The following HMHB1 variants were observed in gnomAD, a reference collection of about 807,000 sequenced individuals.
HMHB1 encodes histocompatibility minor HB-1, also known as minor histocompatibility protein HB-1.
Under a neutral mutation model 2.4 loss-of-function variants are expected in HMHB1, and 4 were observed. That is an observed-to-expected ratio of 1.65 (90% CI 0.81 to 3.77). The LOEUF (loss-of-function observed/expected upper bound fraction) is 3.77, where lower values mean the gene tolerates loss of function less well. HMHB1 is among the 30% of genes most tolerant of loss of function. The probability of loss-of-function intolerance (pLI) is 0.01; values close to 1 mark genes in which losing one functional copy is unlikely to be tolerated. For synonymous variants in HMHB1, 22 were observed against 17.6 expected (o/e 1.25, Z -0.63); for missense variants, 57 against 44.2 (o/e 1.29, Z -0.82).
intron 1 of HMHB1, among the ~76,000 whole-genome samples, chr5:143,813,839 G>A (rs2126792487): frequency 6.6e-6 from 1 of 152,116 alleles, no homozygotes; most frequent in Non-Finnish European, 1.5e-5. Context: ...TGCTCCATAG[G>A]CAATAGAAAT....
At chr5:143,816,724 G>A (rs182944594) in intron 1 of HMHB1, among the ~76,000 whole-genome samples, 134 of 152,324 alleles carry the variant, frequency 8.8e-4, no homozygotes, top group Non-Finnish European at 1.3e-3. Context: ...ATACCCAGTA[G>A]TGGGATTGCT....
intron 1 of HMHB1, among the ~76,000 whole-genome samples, chr5:143,819,623 A>G (rs1429723263): frequency 7.3e-6 from 1 of 137,876 alleles, no homozygotes; most frequent in Non-Finnish European, 1.5e-5. Flanking sequence ...CGAGAGAGTG[A>G]GACTCTGTCT....
chr5:143,813,338 A>G (rs866163838), intron 1 of HMHB1, among the ~76,000 whole-genome samples: 5 of 152,336 alleles, frequency 3.3e-5, no homozygotes, highest in African/African-American at 7.2e-5. Flanking sequence ...CTTTCCAGGC[A>G]AAATAAACCA....
chr5:143,812,388 G>A (rs2126791891), intron 1 of HMHB1, 84 bp downstream of exon 1: 1 of 1,282,722 alleles, frequency 7.8e-7, no homozygotes, highest in Middle Eastern at 2.0e-4. Flanking sequence ...AATGCTGGTG[G>A]AATGAGAGGG....
chr5:143,815,419 C>T (rs976044193), intron 1 of HMHB1, among the ~76,000 whole-genome samples: 28 of 152,334 alleles, frequency 1.8e-4, no homozygotes, highest in Non-Finnish European at 3.7e-4. Flanking sequence ...TTAAAGCTAA[C>T]AATGTTGCAG....
intron 1 of HMHB1, among the ~76,000 whole-genome samples, chr5:143,817,967 G>T (rs995166166): frequency 1.3e-5 from 2 of 152,182 alleles, no homozygotes; most frequent in Non-Finnish European, 2.9e-5. Context: ...TCATGGATTA[G>T]AAGGCTCAAT....
At chr5:143,814,334 T>A (rs1759725141) in intron 1 of HMHB1, among the ~76,000 whole-genome samples, 2 of 152,352 alleles carry the variant, frequency 1.3e-5, no homozygotes, top group South Asian at 4.1e-4. Context: ...TATAAAATAC[T>A]TTTATTTGTT....
At chr5:143,812,930 C>G (rs952337897) in intron 1 of HMHB1, among the ~76,000 whole-genome samples, 13 of 149,884 alleles carry the variant, frequency 8.7e-5, no homozygotes, top group Admixed American at 1.3e-4. Context: ...CAGGAAATGG[C>G]AGAAAGGCCC....
Position 143,812,234 on chromosome 5 carries a change from C to A in HMHB1, c.-34C>A. ...GCAGGCCCTGAGCCTTCTGACCTCA[C>A]ATCCTCTGCCACACCACAGTGGAGA... On this transcript the variant is annotated 5_prime_UTR_variant, in exon 1 of 2. Coordinates refer to ENST00000289448, the MANE Select transcript of HMHB1 (RefSeq NM_021182.3). The A allele has an allele frequency of 6.4e-7, 1 of 1,550,864 alleles. No homozygotes were observed. The highest frequency in any genetic ancestry group is 8.7e-7 in the Non-Finnish European group (1 of 1,146,408).
intron 1 of HMHB1, among the ~76,000 whole-genome samples, chr5:143,818,297 G>A (rs1395243947): frequency 6.6e-6 from 1 of 152,190 alleles, no homozygotes; most frequent in African/African-American, 2.4e-5. Context: ...TTCTTTAGGG[G>A]AAGGGTAGGG....
intron 1 of HMHB1, among the ~76,000 whole-genome samples, chr5:143,813,267 C>A (rs992891211): frequency 6.6e-6 from 1 of 152,200 alleles, no homozygotes; most frequent in Non-Finnish European, 1.5e-5. Flanking sequence ...CAACTACCGA[C>A]CTTCCCTTTT....
intron 1 of HMHB1, 144 bp from the exon 2 acceptor site, chr5:143,820,336 A>C (rs1225116427): frequency 3.0e-6 from 1 of 337,542 alleles, no homozygotes; most frequent in Non-Finnish European, 5.3e-6. Flanking sequence ...AAAAAAAAAA[A>C]AAAAAAAAAA....
rs368118171 is a variant in HMHB1 at position 143,812,455 on chromosome 5, C to A, written c.37+151C>A. 1.4e-4 allele frequency: 104 copies of A among 733,156 alleles called. 2 individuals are homozygous for A. In the South Asian group the frequency reaches 1.8e-3, roughly 13 times the overall value. 45.4% of individuals were successfully genotyped at this position (733,156 alleles called of 1,614,324 possible). The stretch of plus-strand genomic sequence containing the variant: ...AAGGCAGGGGAGAGGAGTGAGACGG[C>A]CCTTGTTGCTGGGATTATTTAGGGC... On this transcript the variant is annotated intron_variant, in intron 1 of 1. Transcript: ENST00000289448.
intron 1 of HMHB1, among the ~76,000 whole-genome samples, chr5:143,812,729 T>A (rs1278263940): frequency 6.6e-6 from 1 of 152,154 alleles, no homozygotes; most frequent in African/African-American, 2.4e-5. Flanking sequence ...ACCCGTCCTT[T>A]ATCCTTAGCA....
chr5:143,814,490 C>T (rs1759726787), intron 1 of HMHB1, among the ~76,000 whole-genome samples: 1 of 151,970 alleles, frequency 6.6e-6, no homozygotes, highest in Admixed American at 6.6e-5. Flanking sequence ...CCATTTTTTG[C>T]GTTTCAGTTC....
chr5:143,818,693 T>C (rs1009918258), intron 1 of HMHB1, among the ~76,000 whole-genome samples: 3 of 152,234 alleles, frequency 2.0e-5, no homozygotes, highest in African/African-American at 7.2e-5. Flanking sequence ...TTTTAAAGGA[T>C]ACTTTATGGA....
intron 1 of HMHB1, 55 bp downstream of exon 1, chr5:143,812,359 G>A: frequency 1.3e-6 from 2 of 1,496,530 alleles, no homozygotes; most frequent in East Asian, 4.9e-5. Context: ...GCAGCGAAGG[G>A]GCAGAGAAAA....
intron 1 of HMHB1, among the ~76,000 whole-genome samples, chr5:143,819,711 C>A (rs976624550): frequency 2.0e-5 from 3 of 151,220 alleles, no homozygotes; most frequent in African/African-American, 7.3e-5. Flanking sequence ...ATACATTGAA[C>A]ATTTAGATTT....
intron 1 of HMHB1, among the ~76,000 whole-genome samples, chr5:143,816,154 A>G (rs1021149776): frequency 2.0e-5 from 3 of 152,208 alleles, no homozygotes; most frequent in African/African-American, 7.2e-5. Flanking sequence ...GGATTATGAC[A>G]TGAGCATCTT....
Sources: gnomAD v4.1 joint callset for allele counts (sites outside exome capture counted in the v4.1 genomes callset) on GRCh38, gnomAD v4.1.1 for gene constraint, MANE v1.5 for transcripts, NCBI Gene and HGNC (gene_info 2026-07-23, HGNC 2026-07-21) for gene names.